The following GPD1L variants were observed in gnomAD, a reference collection of about 807,000 sequenced individuals.
GPD1L encodes glycerol-3-phosphate dehydrogenase 1 like.
GPD1L carries 17 observed loss-of-function variants against 32.9 expected under a neutral mutation model. The ratio of observed to expected loss-of-function variants is 0.52; its 90% CI spans 0.35 to 0.78. The LOEUF is 0.78. Ranked by LOEUF, GPD1L falls within the 30% of genes least tolerant of loss-of-function variation. The probability of loss-of-function intolerance (pLI) is 0.01; values close to 1 mark genes in which losing one functional copy is unlikely to be tolerated. For missense variants in GPD1L, 361 were observed against 447.8 expected (o/e 0.81, Z 1.75); for synonymous variants, 187 against 165.9 (o/e 1.13, Z -0.98).
At position 32,167,408 on chromosome 3, in the gene GPD1L, A is replaced by T. The variant is rs1450488052; in HGVS notation, c.*1498A>T. 1.3e-5 allele frequency: 2 copies of T among 152,428 alleles called. No homozygotes were observed. Among genetic ancestry groups the T allele is most frequent in the African/African-American group, 4.8e-5 (2 of 41,382 alleles). The allele number at this position is 152,428 out of a possible 1,614,324, so 9.4% of individuals were successfully genotyped here. A position where few individuals can be genotyped will look rare whatever the true frequency, so the allele number is the denominator to read the frequency against. ...TTAGGATCACTCAAGTAGACCCTTC[A>T]CTCCCTGCGAGAAATTAGGATGAAT... is the stretch of plus-strand genomic sequence containing the variant. On this transcript the variant is annotated 3_prime_UTR_variant, in exon 8 of 8. Coordinates refer to ENST00000282541, the MANE Select transcript of GPD1L (RefSeq NM_015141.4).
intron 7 of GPD1L, 76 bp downstream of exon 7, chr3:32,159,750 A>G: frequency 2.2e-6 from 2 of 895,042 alleles, no homozygotes; most frequent in East Asian, 2.4e-5. Flanking sequence ...CCCCACGGAG[A>G]TGAGCTAGAC....
At chr3:32,152,137 A>G (rs1429111796) in intron 5 of GPD1L, among the ~76,000 whole-genome samples, 2 of 152,112 alleles carry the variant, frequency 1.3e-5, no homozygotes, top group African/African-American at 2.4e-5. Context: ...TCCAATGACT[A>G]TTTCCTTTGA....
intron 1 of GPD1L, among the ~76,000 whole-genome samples, chr3:32,110,968 C>T (rs1437652624): frequency 8.5e-5 from 13 of 152,210 alleles, no homozygotes; most frequent in Non-Finnish European, 1.8e-4. Flanking sequence ...TGGGTTCTAG[C>T]GATTCTCATG....
chr3:32,123,800 A>AGATAGATG (rs1489116194), intron 1 of GPD1L, among the ~76,000 whole-genome samples: 1 of 125,660 alleles, frequency 8.0e-6, no homozygotes, highest in Admixed American at 8.4e-5. Flanking sequence ...AAAGATAGAT[A>AGATAGATG]GATAGATAGA....
chr3:32,139,251 C>T (rs1160409442), intron 3 of GPD1L, among the ~76,000 whole-genome samples: 1 of 152,162 alleles, frequency 6.6e-6, no homozygotes, highest in African/African-American at 2.4e-5. Context: ...GCCAAAGTTT[C>T]AGTAATAGCA....
rs150260364 is a variant in GPD1L at position 32,110,745 on chromosome 3, C to T, written c.47+3987C>T. On this transcript the variant is annotated intron_variant, in intron 1 of 7. Coordinates refer to ENST00000282541, the MANE Select transcript of GPD1L (RefSeq NM_015141.4). ...TGAGCCCTGCTGTGTTGCCCACTGC[C>T]GCAGGTGCAGGGAGGGACTTCCTAA... is the stretch of plus-strand genomic sequence containing the variant. Among the ~76,000 whole-genome samples the T allele has an allele frequency of 2.0e-3, 309 of 152,316 alleles. 1 individual carries two copies. Among genetic ancestry groups the T allele is most frequent in the African/African-American group, 7.0e-3 (292 of 41,570 alleles).
intron 5 of GPD1L, among the ~76,000 whole-genome samples, chr3:32,152,368 CA>C (rs1700931280): frequency 6.6e-6 from 1 of 152,164 alleles, no homozygotes; most frequent in Admixed American, 6.5e-5. Flanking sequence ...GCTGCTATAA[CA>C]GAACACTTGA....
chr3:32,158,758 T>C (rs911671433), intron 5 of GPD1L, 118 bp from the exon 6 acceptor site: 4 of 1,539,730 alleles, frequency 2.6e-6, no homozygotes, highest in Non-Finnish European at 3.5e-6. Flanking sequence ...ATTGAGTATT[T>C]TGAAGATGGA....
intron 3 of GPD1L, among the ~76,000 whole-genome samples, 154 bp downstream of exon 3, chr3:32,138,881 T>G (rs1039687230): frequency 6.6e-6 from 1 of 151,964 alleles, no homozygotes; most frequent in African/African-American, 2.4e-5. Flanking sequence ...ATAAAAAAAA[T>G]AAGACTAGTT....
intron 1 of GPD1L, among the ~76,000 whole-genome samples, chr3:32,122,266 TAGC>T (rs1284736846): frequency 6.6e-6 from 1 of 152,166 alleles, no homozygotes; most frequent in African/African-American, 2.4e-5. Flanking sequence ...AAATATGAAT[TAGC>T]AGCAAGTGCA....
intron 2 of GPD1L, among the ~76,000 whole-genome samples, chr3:32,138,095 G>A (rs1468231883): frequency 6.6e-6 from 1 of 152,198 alleles, no homozygotes. Flanking sequence ...AGGCAGAAGT[G>A]GCCCGAGGAG....
At chr3:32,114,124 G>A (rs1473073084) in intron 1 of GPD1L, among the ~76,000 whole-genome samples, 1 of 152,174 alleles carries the variant, frequency 6.6e-6, no homozygotes, top group African/African-American at 2.4e-5. Context: ...CAAAGTACTG[G>A]GATTACAGGC....
chr3:32,168,329 T>C lies in GPD1L; in HGVS notation c.*2419T>C, dbSNP rs1701178015. On this transcript the variant is annotated 3_prime_UTR_variant, in exon 8 of 8. Transcript: ENST00000282541. ...TTTAATTCACATTTCTTATGAAGTATGGTAACAGGGAGGGAGACACCTAGA... is the reference window on the plus strand; with the variant it reads ...TTTAATTCACATTTCTTATGAAGTACGGTAACAGGGAGGGAGACACCTAGA... 1 of 152,654 alleles carries C rather than the reference T, an allele frequency of 6.6e-6. No homozygotes were observed. Among genetic ancestry groups the C allele is most frequent in the South Asian group, 2.1e-4 (1 of 4,832 alleles). 9.5% of individuals were successfully genotyped at this position (152,654 alleles called of 1,614,324 possible). A position where few individuals can be genotyped will look rare whatever the true frequency, so the allele number is the denominator to read the frequency against.
intron 1 of GPD1L, among the ~76,000 whole-genome samples, chr3:32,126,196 ATAAAT>A (rs1700505349): frequency 6.6e-6 from 1 of 152,192 alleles, no homozygotes; most frequent in South Asian, 2.1e-4. Flanking sequence ...TCCTGTATCA[ATAAAT>A]TAAATAAATA....
chr3:32,111,996 T>C (rs1700260154), intron 1 of GPD1L, among the ~76,000 whole-genome samples: 1 of 152,140 alleles, frequency 6.6e-6, no homozygotes, highest in Non-Finnish European at 1.5e-5. Flanking sequence ...AATCCTTCCC[T>C]GAGGACAGGC....
At chr3:32,159,515 A>C in intron 6 of GPD1L, 53 bp from the exon 7 acceptor site, 1 of 998,838 alleles carries the variant, frequency 1.0e-6, no homozygotes, top group Admixed American at 2.0e-5. Flanking sequence ...CAAATAAATG[A>C]TTCTTTAGTC....
intron 2 of GPD1L, among the ~76,000 whole-genome samples, chr3:32,128,779 C>G (rs994214938): frequency 8.5e-5 from 13 of 152,200 alleles, no homozygotes; most frequent in African/African-American, 3.1e-4. Context: ...TGCCAGCCAC[C>G]TCTGGAACTA....
At chr3:32,156,267 C>G (rs1700987691) in intron 5 of GPD1L, among the ~76,000 whole-genome samples, 1 of 152,198 alleles carries the variant, frequency 6.6e-6, no homozygotes. Flanking sequence ...TAGGAAGAGG[C>G]TGAGAAGCTT....
intron 3 of GPD1L, among the ~76,000 whole-genome samples, chr3:32,139,864 G>A (rs924180894): frequency 4.6e-5 from 7 of 152,152 alleles, no homozygotes; most frequent in African/African-American, 1.7e-4. Context: ...GGATAATGAC[G>A]TATAACATTG....
Sources: gnomAD v4.1 joint callset for allele counts (sites outside exome capture counted in the v4.1 genomes callset) on GRCh38, gnomAD v4.1.1 for gene constraint, MANE v1.5 for transcripts, NCBI Gene and HGNC (gene_info 2026-07-23, HGNC 2026-07-21) for gene names.